Variants in TRPM3 observed in about 807,000 individuals in gnomAD.
TRPM3 encodes transient receptor potential cation channel subfamily M member 3.
Under a neutral mutation model 181.2 loss-of-function variants are expected in TRPM3, and 77 were observed. The observed-to-expected ratio is 0.42, with a 90% CI of 0.35 to 0.51. The LOEUF is 0.51. TRPM3 is among the 20% of genes least tolerant of loss of function. The pLI is 0.01. For missense variants in TRPM3, 1,759 were observed against 2,196.7 expected (o/e 0.80, Z 3.98); for synonymous variants, 745 against 796.4 (o/e 0.94, Z 1.09).
chr9:70,742,714 G>C (rs1347649994), intron 8 of TRPM3, among the ~76,000 whole-genome samples: 1 of 152,156 alleles, frequency 6.6e-6, no homozygotes, highest in Non-Finnish European at 1.5e-5. Context: ...CTTTGAGTTT[G>C]AGGTCACCAC....
intron 1 of TRPM3, among the ~76,000 whole-genome samples, chr9:71,096,052 T>C (rs955060142): frequency 3.9e-5 from 6 of 152,164 alleles, no homozygotes; most frequent in Non-Finnish European, 8.8e-5. Flanking sequence ...CAAAGGTGTT[T>C]ATTCAAATAA....
intron 1 of TRPM3, among the ~76,000 whole-genome samples, chr9:71,414,786 TACTC>T (rs1457221559): frequency 3.3e-5 from 5 of 152,196 alleles, no homozygotes; most frequent in East Asian, 3.9e-4. Flanking sequence ...TTATGCAACA[TACTC>T]AGTCTTTTTG....
chr9:70,984,323 T>C (rs992957572), intron 1 of TRPM3, among the ~76,000 whole-genome samples: 2 of 152,212 alleles, frequency 1.3e-5, no homozygotes, highest in Non-Finnish European at 2.9e-5. Context: ...AAATTTAAAT[T>C]AACAGAAGTT....
intron 1 of TRPM3, among the ~76,000 whole-genome samples, chr9:71,330,758 A>G (rs575781983): frequency 6.6e-6 from 1 of 151,960 alleles, no homozygotes; most frequent in African/African-American, 2.4e-5. Context: ...GCAGCAGGGT[A>G]AGATCCAAGT....
chr9:71,339,230 A>C (rs979446738), intron 1 of TRPM3, among the ~76,000 whole-genome samples: 4 of 152,156 alleles, frequency 2.6e-5, no homozygotes, highest in African/African-American at 9.6e-5. Flanking sequence ...TTATTGTTTT[A>C]AAAGTCTCAA....
In TRPM3 at chr9:70,887,993, C is replaced by T. The variant is rs114534792; in HGVS notation, c.178-23482G>A. On this transcript the variant is annotated intron_variant, in intron 1 of 25. Coordinates refer to ENST00000677713, the MANE Select transcript of TRPM3 (RefSeq NM_001366145.2). ...ATGAGTTGTTGTTTTTATTTTAAAC[C>T]AATGTCACTTCTAATCTATTACAAT... 2.7e-3 allele frequency among the ~76,000 whole-genome samples: 404 copies of T among 152,210 alleles called. 2 individuals carry two copies. The highest frequency in any genetic ancestry group is 8.9e-3 in the African/African-American group (368 of 41,508).
intron 1 of TRPM3, among the ~76,000 whole-genome samples, chr9:71,272,205 T>G (rs967205032): frequency 6.6e-6 from 1 of 152,162 alleles, no homozygotes; most frequent in African/African-American, 2.4e-5. Context: ...TTTTTAAAAA[T>G]TTTTAATGTC....
At chr9:70,963,589 T>C (rs77755478) in intron 1 of TRPM3, among the ~76,000 whole-genome samples, 1 of 152,100 alleles carries the variant, frequency 6.6e-6, no homozygotes, top group African/African-American at 2.4e-5. Flanking sequence ...GAGGTATGCA[T>C]TGATATTTTG....
At chr9:71,059,593 T>A (rs1157735599) in intron 1 of TRPM3, among the ~76,000 whole-genome samples, 2 of 152,034 alleles carry the variant, frequency 1.3e-5, no homozygotes, top group South Asian at 2.1e-4. Context: ...GCGATCAACA[T>A]CTATAATCAG....
rs760877321 is a variant in TRPM3, at chr9:70,535,969, T to C, written c.5144A>G (p.Glu1715Gly). 2.5e-6 allele frequency: 4 copies of C among 1,599,940 alleles called. No individual in the cohort carries two copies. The highest frequency in any genetic ancestry group is 3.4e-6 in the Non-Finnish European group (4 of 1,173,748). The stretch of plus-strand genomic sequence containing the variant: ...TAAGAAGGTTTAGTTGTGCTTGCTT[T>C]CAAAGCTTTGGAAAGCCGATGTTCT... ...LSRTSAFQSF[E>G]SKHN The change falls in exon 26 of 26, where the codon GAA becomes GGA. Residue 1715 changes from glutamate to glycine, a missense_variant. Transcript: ENST00000677713.
intron 6 of TRPM3, among the ~76,000 whole-genome samples, chr9:70,812,231 T>C (rs11999610): frequency 0.31 from 47,711 of 152,120 alleles, 9,101 homozygotes; most frequent in African/African-American, 0.53. Context: ...AGCTAGACTT[T>C]GAGAGCAGCC....
At chr9:71,140,412 G>C (rs776011782) in intron 1 of TRPM3, among the ~76,000 whole-genome samples, 1 of 152,052 alleles carries the variant, frequency 6.6e-6, no homozygotes, top group Non-Finnish European at 1.5e-5. Context: ...CATAGTGTGG[G>C]GTTTGAAAGT....
rs1036752298 is a variant in TRPM3 at position 70,591,145 on chromosome 9, C to A, written c.3109G>T (p.Ala1037Ser). The change falls in exon 22 of 26, where the codon GCC becomes TCC. Residue 1037 changes from alanine to serine, a missense_variant. This residue lies in a region of TRPM3 where 94 missense variants were observed against 221.3 expected (regional missense o/e 0.42). Coordinates refer to ENST00000677713, the MANE Select transcript of TRPM3 (RefSeq NM_001366145.2). ...TTGGGAAAAAGGATGGCTTGCCTGG[C>A]GACCCCAAAGCTCATCAGAACCACC... ...MLVVLMSFGVARQAILFPNEE... is the reference protein window; with the variant it reads ...MLVVLMSFGVSRQAILFPNEE... 1.9e-6 allele frequency: 3 copies of A among 1,613,942 alleles called. No individual in the cohort carries two copies. The highest frequency in any genetic ancestry group is 2.7e-5 in the African/African-American group (2 of 74,906).
chr9:71,050,954 C>T lies in TRPM3; in HGVS notation c.177+70224G>A, dbSNP rs564049853. Among the ~76,000 whole-genome samples, 16 of 152,292 alleles carry T rather than the reference C, an allele frequency of 1.1e-4. No homozygotes were observed. The South Asian group carries it at 2.1e-3, about 20-fold the overall frequency. ...ATTGACTAGCAATTGCCAAGGAAGACGTTGACTTTGGCTCACAAGAAATAA... is the reference window on the plus strand; with the variant it reads ...ATTGACTAGCAATTGCCAAGGAAGATGTTGACTTTGGCTCACAAGAAATAA... On this transcript the variant is annotated intron_variant, in intron 1 of 25. Transcript: ENST00000677713.
chr9:70,865,836 G>A (rs1254237486), intron 1 of TRPM3, among the ~76,000 whole-genome samples: 1 of 152,058 alleles, frequency 6.6e-6, no homozygotes, highest in Non-Finnish European at 1.5e-5. Flanking sequence ...AATATCAGAT[G>A]GAATCATTTC....
rs1047179693 is a variant in TRPM3 at position 71,349,974 on chromosome 9, T to C, written c.183+96679A>G. 1.7e-4 allele frequency among the ~76,000 whole-genome samples: 5 copies of C among 30,018 alleles called. No homozygotes were observed. The East Asian group carries it at 3.9e-3, about 23-fold the overall frequency. The allele number at this position is 30,018 out of a possible 152,430, so 19.7% of individuals were successfully genotyped here. A position where few individuals can be genotyped will look rare whatever the true frequency, so the allele number is the denominator to read the frequency against. On this transcript the variant is annotated intron_variant, in intron 1 of 24. Transcript: ENST00000357533. ...AATGATCTCATTGTAAGTGCATATATATATATATATATATATATATATATA... is the reference window on the plus strand; with the variant it reads ...AATGATCTCATTGTAAGTGCATATACATATATATATATATATATATATATA...
chr9:71,212,259 A>C (rs1343521331), intron 1 of TRPM3, among the ~76,000 whole-genome samples: 1 of 152,070 alleles, frequency 6.6e-6, no homozygotes, highest in Non-Finnish European at 1.5e-5. Flanking sequence ...TGGGACTATA[A>C]GTGTGTACCA....
chr9:71,376,245 T>C (rs896473865), intron 1 of TRPM3, among the ~76,000 whole-genome samples: 1 of 152,008 alleles, frequency 6.6e-6, no homozygotes, highest in African/African-American at 2.4e-5. Flanking sequence ...AATGGAATTT[T>C]ATATCTCATC....
At chr9:70,753,984 A>G (rs1303204179) in intron 8 of TRPM3, among the ~76,000 whole-genome samples, 1 of 152,160 alleles carries the variant, frequency 6.6e-6, no homozygotes, top group African/African-American at 2.4e-5. Flanking sequence ...GTTTAGGGCC[A>G]CACAACCATG....
Sources: allele counts gnomAD v4.1 joint callset (sites outside exome capture counted in the v4.1 genomes callset), GRCh38; gene constraint gnomAD v4.1.1; regional missense constraint gnomAD v4.1.1; transcripts MANE v1.5; gene names NCBI Gene and HGNC (gene_info 2026-07-23, HGNC 2026-07-21).